Variants in TLN2 observed in about 807,000 individuals in gnomAD.
TLN2 encodes the protein talin 2, also known as talin-2.
In TLN2, 118 loss-of-function variants were observed where a neutral mutation model predicts 294.7. That is an observed-to-expected ratio of 0.40 (90% CI 0.34 to 0.47). TLN2 has a LOEUF of 0.47. Among genes scored for constraint, TLN2 ranks in the 20% least tolerant of loss-of-function variants. The pLI, the probability that TLN2 is intolerant of heterozygous loss-of-function variation, is 0.84. For missense variants in TLN2, 3,083 were observed against 3,282.2 expected, an observed-to-expected ratio of 0.94 and a Z score of 1.48; for synonymous variants, 1,431 against 1,304.5, an observed-to-expected ratio of 1.10 and a Z score of -2.09.
chr15:62,479,173 G>T (rs145166134), intron 1 of TLN2, among the ~76,000 whole-genome samples: 1 of 152,154 alleles, frequency 6.6e-6, no homozygotes, highest in Non-Finnish European at 1.5e-5. Flanking sequence ...CTGGAGCTTG[G>T]GGGAGCTGGA....
At chr15:62,739,271 C>T in intron 30 of TLN2, 77 bp from the exon 31 acceptor site, 2 of 1,483,734 alleles carry the variant, frequency 1.3e-6, no homozygotes, top group South Asian at 1.3e-5. Flanking sequence ...AGTCTGTCTC[C>T]CTTCCACAAT....
At chr15:62,538,389 A>C (rs1383705938) in intron 1 of TLN2, among the ~76,000 whole-genome samples, 1 of 152,200 alleles carries the variant, frequency 6.6e-6, no homozygotes, top group Non-Finnish European at 1.5e-5. Context: ...GACCACTTCA[A>C]ACTATTGTCA....
intron 1 of TLN2, among the ~76,000 whole-genome samples, chr15:62,519,887 A>G (rs1285554139): frequency 1.3e-5 from 2 of 152,240 alleles, no homozygotes; most frequent in Non-Finnish European, 2.9e-5. Context: ...GCTGATAAAG[A>G]CATACTTGAG....
chr15:62,480,523 C>T (rs1033274196), intron 1 of TLN2, among the ~76,000 whole-genome samples: 5 of 152,174 alleles, frequency 3.3e-5, no homozygotes, highest in Non-Finnish European at 5.9e-5. Flanking sequence ...CGGTGCCCGG[C>T]CTATATTTCT....
intron 52 of TLN2, among the ~76,000 whole-genome samples, chr15:62,816,413 C>T (rs1435755771): frequency 6.6e-6 from 1 of 152,218 alleles, no homozygotes; most frequent in African/African-American, 2.4e-5. Context: ...ACTGGCAGAG[C>T]TTTAATTTGG....
At position 62,567,295 on chromosome 15, in the gene TLN2, C is replaced by G. The variant is rs147323278; in HGVS notation, c.-237-22392C>G. Among the ~76,000 whole-genome samples the G allele has an allele frequency of 9.5e-4, 145 of 152,284 alleles. 1 individual carries two copies. The East Asian group carries it at 0.025, about 26-fold the overall frequency. On this transcript the variant is annotated intron_variant, in intron 1 of 58. Transcript: ENST00000636159. ...GCATTTCTGCACCTGAGATTATTTC[C>G]TAGTGTTAAATCTGCAACATTGTGA... is the stretch of plus-strand genomic sequence containing the variant.
chr15:62,779,203 C>G (rs943053035), intron 43 of TLN2, among the ~76,000 whole-genome samples: 2 of 152,146 alleles, frequency 1.3e-5, no homozygotes, highest in African/African-American at 4.8e-5. Context: ...TTTGGAGACT[C>G]ACAAGTGAGT....
intron 9 of TLN2, among the ~76,000 whole-genome samples, chr15:62,670,689 C>A (rs1487017231): frequency 6.6e-6 from 1 of 152,138 alleles, no homozygotes; most frequent in South Asian, 2.1e-4. Context: ...TATGGAGAAA[C>A]CACATTTTAT....
chr15:62,469,272 G>C (rs1370907088), intron 1 of TLN2, among the ~76,000 whole-genome samples: 1 of 152,198 alleles, frequency 6.6e-6, no homozygotes, highest in Non-Finnish European at 1.5e-5. Context: ...TTCATGAGCA[G>C]ATGCATTTTC....
At chr15:62,482,731 TA>T (rs34652592) in intron 1 of TLN2, among the ~76,000 whole-genome samples, 10,957 of 150,958 alleles carry the variant, frequency 0.073, 514 homozygotes, top group Non-Finnish European at 0.1. Flanking sequence ...ACAAAAGAGT[TA>T]AAAAAAAATG....
intron 1 of TLN2, among the ~76,000 whole-genome samples, chr15:62,488,567 T>A (rs1474117798): frequency 2.0e-5 from 3 of 152,280 alleles, no homozygotes; most frequent in Non-Finnish European, 2.9e-5. Flanking sequence ...TGTGGGAAAA[T>A]CTGAGTAATT....
In TLN2 at chr15:62,739,487, T is replaced by A. The variant is rs774255212; in HGVS notation, c.3827T>A (p.Phe1276Tyr). 5.6e-6 allele frequency: 9 copies of A among 1,614,054 alleles called. No individual in the cohort carries two copies. The change falls in exon 31 of 59, where the codon TTC (phenylalanine) becomes TAC (tyrosine). Residue 1276 changes from phenylalanine to tyrosine, a missense_variant. Phe to Tyr is a conservative substitution (Grantham distance 22). Transcript: ENST00000636159. Reference sequence around the variant, plus strand: ...GAGTTGGCTGCAGCCTCTGGAAAGTTCAGTGATGATTTTGATGAATTCCTC... The same window carrying A: ...GAGTTGGCTGCAGCCTCTGGAAAGTACAGTGATGATTTTGATGAATTCCTC... ...SGELAAASGKFSDDFDEFLDA... is the reference protein window; with the variant it reads ...SGELAAASGKYSDDFDEFLDA...
chr15:62,740,666 A>C lies in TLN2; in HGVS notation c.3922A>C (p.Lys1308Gln). ...EDQIQVIGNL[K>Q]NISMASSKLL... ...CCAGATCCAAGTGATAGGGAACCTC[A>C]AGAATATCTCGATGGCATCCAGCAA... is the stretch of plus-strand genomic sequence containing the variant. The change falls in exon 32 of 59, where the codon AAG becomes CAG. Residue 1308 changes from lysine (K) to glutamine (Q), a missense_variant. By Grantham distance (53) the Lys-to-Gln change is moderately conservative. Transcript: ENST00000636159. The C allele has an allele frequency of 6.2e-7, 1 of 1,614,146 alleles. No individual in the cohort carries two copies. The highest frequency in any genetic ancestry group is 8.5e-7 in the Non-Finnish European group (1 of 1,180,018).
At chr15:62,560,583 C>T (rs1386803696) in intron 1 of TLN2, among the ~76,000 whole-genome samples, 3 of 152,250 alleles carry the variant, frequency 2.0e-5, no homozygotes, top group Non-Finnish European at 2.9e-5. Flanking sequence ...CGCCTGGCCT[C>T]CCAAAGTGCT....
intron 1 of TLN2, among the ~76,000 whole-genome samples, chr15:62,506,167 C>G (rs1595964414): frequency 6.6e-6 from 1 of 152,226 alleles, no homozygotes; most frequent in Non-Finnish European, 1.5e-5. Context: ...ATCTAGGAAA[C>G]TGTGATATCT....
chr15:62,607,483 A>G (rs2047548670), intron 2 of TLN2, among the ~76,000 whole-genome samples: 1 of 152,166 alleles, frequency 6.6e-6, no homozygotes, highest in Admixed American at 6.5e-5. Context: ...AGTGGATGAC[A>G]GTAGTTGGGA....
rs781322543 is a variant in TLN2 at position 62,840,365 on chromosome 15, G to A, written c.7501-117G>A. On this transcript the variant is annotated intron_variant, in intron 58 of 58. Transcript: ENST00000636159. Reference sequence around the variant, plus strand: ...TCGCCAGAGCTAAGAAAGCTGTTCCGGATGTGCTGCAGTGTCCCACGGTCG... The same window carrying A: ...TCGCCAGAGCTAAGAAAGCTGTTCCAGATGTGCTGCAGTGTCCCACGGTCG... 8.4e-6 allele frequency: 12 copies of A among 1,423,244 alleles called. No homozygotes were observed. The African/African-American group carries it at 1.3e-4, about 15-fold the overall frequency. The allele number at this position is 1,423,244 out of a possible 1,614,324, so 88.2% of individuals were successfully genotyped here. A position where few individuals can be genotyped will look rare whatever the true frequency, so the allele number is the denominator to read the frequency against.
intron 54 of TLN2, among the ~76,000 whole-genome samples, chr15:62,827,358 A>C (rs1210045325): frequency 6.6e-6 from 1 of 152,184 alleles, no homozygotes; most frequent in African/African-American, 2.4e-5. Context: ...ATCAGAAGAG[A>C]AAAGGTAGTT....
chr15:62,643,529 T>C (rs1268551714), intron 3 of TLN2, among the ~76,000 whole-genome samples: 2 of 151,650 alleles, frequency 1.3e-5, no homozygotes, highest in Non-Finnish European at 2.9e-5. Context: ...ATAGTGAATG[T>C]AGTATTTCTT....
Sources: gnomAD v4.1 joint callset for allele counts (sites outside exome capture counted in the v4.1 genomes callset) on GRCh38, gnomAD v4.1.1 for gene constraint, MANE v1.5 for transcripts, NCBI Gene and HGNC (gene_info 2026-07-23, HGNC 2026-07-21) for gene names.